KREMEN1: variants seen among roughly 807,000 people sequenced by gnomAD.
The protein encoded by KREMEN1 is kringle containing transmembrane protein 1.
In KREMEN1, 30 loss-of-function variants were observed where a neutral mutation model predicts 46.5. The observed-to-expected ratio is 0.65, with a 90% CI of 0.48 to 0.88. The LOEUF is 0.88. Ranked by LOEUF, KREMEN1 falls within the 40% of genes least tolerant of loss-of-function variation. The probability of loss-of-function intolerance (pLI) is 0.00; values close to 1 mark genes in which losing one functional copy is unlikely to be tolerated. For missense variants in KREMEN1, 533 were observed against 596.9 expected, an observed-to-expected ratio of 0.89 and a Z score of 1.11; for synonymous variants, 214 against 230.6, an observed-to-expected ratio of 0.93 and a Z score of 0.65.
At chr22:29,132,325 G>A (rs2038577197) in intron 5 of KREMEN1, among the ~76,000 whole-genome samples, 1 of 152,120 alleles carries the variant, frequency 6.6e-6, no homozygotes, top group Non-Finnish European at 1.5e-5. Flanking sequence ...TAAAGCTGTT[G>A]TAAACATCCA....
intron 5 of KREMEN1, among the ~76,000 whole-genome samples, chr22:29,137,069 C>G (rs2038671765): frequency 6.6e-6 from 1 of 152,200 alleles, no homozygotes; most frequent in Admixed American, 6.5e-5. Context: ...CCCTGCCAGT[C>G]CCAAGTCCAG....
At chr22:29,158,459 G>A (rs979122264) in intron 9 of KREMEN1, among the ~76,000 whole-genome samples, 5 of 152,178 alleles carry the variant, frequency 3.3e-5, no homozygotes, top group Admixed American at 6.5e-5. Context: ...GGGAATTCTA[G>A]GGAAACTGGG....
intron 1 of KREMEN1, among the ~76,000 whole-genome samples, chr22:29,093,908 A>T (rs2037838258): frequency 6.6e-6 from 1 of 152,206 alleles, no homozygotes; most frequent in African/African-American, 2.4e-5. Context: ...CCAGAATTCC[A>T]CATGGATGGC....
intron 9 of KREMEN1, among the ~76,000 whole-genome samples, chr22:29,158,136 G>C (rs557215019): frequency 6.6e-6 from 1 of 152,240 alleles, no homozygotes; most frequent in African/African-American, 2.4e-5. Context: ...GCACATGAGA[G>C]CATGAGGCTG....
Position 29,146,197 on chromosome 22 carries a change from G to A in KREMEN1, c.*4085G>A, listed in dbSNP as rs549045127. The stretch of plus-strand genomic sequence containing the variant: ...TGTTCCTACCTTGGGAGTTTGGATT[G>A]TTTCCTCTGGTGTCTTTGTTTACCT... On this transcript the variant is annotated 3_prime_UTR_variant, in exon 9 of 9. Transcript: ENST00000400335. The A allele has an allele frequency of 8.2e-4, 807 of 985,024 alleles. No individual in the cohort carries two copies. The highest frequency in any genetic ancestry group is 1.6e-3 in the Middle Eastern group (3 of 1,916). The allele number at this position is 985,024 out of a possible 1,614,324, so 61.0% of individuals were successfully genotyped here.
intron 1 of KREMEN1, among the ~76,000 whole-genome samples, chr22:29,084,496 C>T (rs959364747): frequency 1.3e-5 from 2 of 152,092 alleles, no homozygotes; most frequent in Middle Eastern, 3.2e-3. Flanking sequence ...GGCAGAAACA[C>T]ACATGCTTCA....
chr22:29,126,245 CA>C (rs1407018308), intron 5 of KREMEN1, among the ~76,000 whole-genome samples: 1 of 152,168 alleles, frequency 6.6e-6, no homozygotes, highest in Non-Finnish European at 1.5e-5. Context: ...GCAAAAATGA[CA>C]TATGGTTTAT....
At chr22:29,131,700 G>GCA (rs1456918424) in intron 5 of KREMEN1, among the ~76,000 whole-genome samples, 1 of 128,984 alleles carries the variant, frequency 7.8e-6, no homozygotes, top group African/African-American at 3.3e-5. Context: ...GTATATATGT[G>GCA]TATATATATG....
At chr22:29,138,001 A>G (rs1211837847) in intron 6 of KREMEN1, among the ~76,000 whole-genome samples, 1 of 152,266 alleles carries the variant, frequency 6.6e-6, no homozygotes, top group Non-Finnish European at 1.5e-5. Context: ...TTGGAAGGTT[A>G]TCAAAAGGTC....
In KREMEN1 at chr22:29,143,200, C is replaced by G; in HGVS notation, c.*1088C>G. 1 of 985,342 alleles carries G rather than the reference C, an allele frequency of 1.0e-6. No individual in the cohort carries two copies. The highest frequency in any genetic ancestry group is 1.2e-6 in the Non-Finnish European group (1 of 829,930). 61.0% of individuals were successfully genotyped at this position (985,342 alleles called of 1,614,324 possible). On this transcript the variant is annotated 3_prime_UTR_variant, in exon 9 of 9. Coordinates refer to ENST00000400335, the MANE Select transcript of KREMEN1 (RefSeq NM_001039570.3). The stretch of plus-strand genomic sequence containing the variant: ...AAAAAAATCCATTCATTTACTCATG[C>G]AATAAATTCTCCTGCAAGCTTTTAT...
intron 3 of KREMEN1, among the ~76,000 whole-genome samples, chr22:29,107,218 C>CTTTTTTTTTT (rs1188000476): frequency 8.9e-6 from 1 of 111,926 alleles, no homozygotes. Context: ...ACCATTTATA[C>CTTTTTTTTTT]TTTTTTTTTT....
chr22:29,152,284 C>T (rs1394399121), intron 9 of KREMEN1, among the ~76,000 whole-genome samples: 2 of 152,156 alleles, frequency 1.3e-5, no homozygotes, highest in Non-Finnish European at 2.9e-5. Context: ...ACAAGCGGCT[C>T]CAAGGACAGA....
intron 5 of KREMEN1, among the ~76,000 whole-genome samples, chr22:29,135,485 G>A (rs1310071911): frequency 6.6e-6 from 1 of 152,180 alleles, no homozygotes; most frequent in Non-Finnish European, 1.5e-5. Flanking sequence ...TCCTGCAAGT[G>A]TGAAGAGAAG....
In KREMEN1 at chr22:29,131,560, ATGTG is replaced by A. The variant is rs1176208187; in HGVS notation, c.632-5750_632-5747del. 4.3e-3 allele frequency among the ~76,000 whole-genome samples: 297 copies of A among 69,762 alleles called. 3 individuals carry two copies. Among genetic ancestry groups the A allele is most frequent in the Admixed American group, 0.017 (111 of 6,576 alleles). The allele number at this position is 69,762 out of a possible 152,430, so 45.8% of individuals were successfully genotyped here. On this transcript the variant is annotated intron_variant, in intron 5 of 8. Coordinates refer to ENST00000400335, the MANE Select transcript of KREMEN1 (RefSeq NM_001039570.3). ...TATATATATATATATATATATATATATGTGTGTGTGTGTGTGTGTGTGTGTGTGT... is the reference window on the plus strand; with the variant it reads ...TATATATATATATATATATATATATATGTGTGTGTGTGTGTGTGTGTGTGT...
chr22:29,086,026 G>GTT (rs10696373), intron 1 of KREMEN1, among the ~76,000 whole-genome samples: 87,595 of 142,206 alleles, frequency 0.62, 27,043 homozygotes, highest in Middle Eastern at 0.74. Context: ...GGGAGGTGAG[G>GTT]TTTTTTTTTT....
intron 4 of KREMEN1, among the ~76,000 whole-genome samples, chr22:29,122,840 A>G (rs2038376192): frequency 6.9e-6 from 1 of 144,448 alleles, no homozygotes; most frequent in South Asian, 2.3e-4. Context: ...CAGGAGGCTG[A>G]GGCGGGAGAA....
intron 3 of KREMEN1, among the ~76,000 whole-genome samples, chr22:29,112,592 A>G (rs1357429741): frequency 6.6e-6 from 1 of 152,204 alleles, no homozygotes; most frequent in African/African-American, 2.4e-5. Context: ...CAAAATTTTT[A>G]TCTTCAACAT....
rs368843166 is a variant in KREMEN1 at position 29,101,252 on chromosome 22, CAAAAAAAAAAAA to C, written c.352+2311_352+2322del. Among the ~76,000 whole-genome samples, 153 of 74,794 alleles carry C rather than the reference CAAAAAAAAAAAA, an allele frequency of 2.0e-3. 2 individuals are homozygous for C. The highest frequency in any genetic ancestry group is 7.3e-4 in the Non-Finnish European group (30 of 41,036). 49.1% of individuals were successfully genotyped at this position (74,794 alleles called of 152,430 possible). On this transcript the variant is annotated intron_variant, in intron 3 of 8. Coordinates refer to ENST00000400335, the MANE Select transcript of KREMEN1 (RefSeq NM_001039570.3). The stretch of plus-strand genomic sequence containing the variant: ...GGGAAACACAACAAGAGTCTGTCTC[CAAAAAAAAAAAA>C]AAAAAAAAAAAGGATGTAAGGGAAG...
At chr22:29,130,572 G>C (rs1433522892) in intron 5 of KREMEN1, among the ~76,000 whole-genome samples, 1 of 152,156 alleles carries the variant, frequency 6.6e-6, no homozygotes, top group Non-Finnish European at 1.5e-5. Context: ...AGTGGAATCT[G>C]ATTCATGGCT....
Sources: allele counts gnomAD v4.1 joint callset (sites outside exome capture counted in the v4.1 genomes callset), GRCh38; gene constraint gnomAD v4.1.1; transcripts MANE v1.5; gene names NCBI Gene and HGNC (gene_info 2026-07-23, HGNC 2026-07-21).